Variants in CACNB3 observed in about 807,000 individuals in gnomAD.
The protein encoded by CACNB3 is calcium voltage-gated channel auxiliary subunit beta 3.
In CACNB3, 36 loss-of-function variants were observed where a neutral mutation model predicts 63.7. The ratio of observed to expected loss-of-function variants is 0.57; its 90% confidence interval spans 0.43 to 0.75. CACNB3 has a LOEUF of 0.75. CACNB3 is among the 30% of genes least tolerant of loss of function. The pLI, the probability that CACNB3 is intolerant of heterozygous loss-of-function variation, is 0.00. For missense variants in CACNB3, 493 were observed against 648.6 expected, an observed-to-expected ratio of 0.76 and a Z score of 2.61; for synonymous variants, 241 against 250.6, an observed-to-expected ratio of 0.96 and a Z score of 0.36.
Position 48,823,767 on chromosome 12 carries a change from C to G in CACNB3, c.255C>G (p.Val85=). ...AGTGCCCAGTCCAGGGCTCTGGAGT[C>G]AACTTTGAGGCCAAAGATTTTCTGC... ...DEECPVQGSG[V]NFEAKDFLHI... is the part of the protein sequence containing the mutation. The change falls in exon 3 of 13, where the codon GTC becomes GTG. Residue 85 remains valine, a synonymous_variant. Transcript: ENST00000301050. This position sits in a 1 kb window ranked among gnomAD's most constrained non-coding sequence, Gnocchi z 4.2. 1.2e-6 allele frequency: 2 copies of G among 1,614,108 alleles called. No individual in the cohort carries two copies. The highest frequency in any genetic ancestry group is 4.5e-5 in the East Asian group (2 of 44,870).
chr12:48,823,635 G>T lies in CACNB3; in HGVS notation c.169-46G>T. On this transcript the variant is annotated intron_variant, in intron 2 of 12. Transcript: ENST00000301050. The surrounding 1 kb of genome is among the most constrained non-coding windows in gnomAD (Gnocchi z 4.2). The stretch of plus-strand genomic sequence containing the variant: ...TGTTGGGGCACTGAAGCTGGAAGGG[G>T]TGCTTCGAGCCTTCTCTCACTTGCA... The T allele has an allele frequency of 6.2e-7, 1 of 1,613,742 alleles. No individual in the cohort carries two copies. The highest frequency in any genetic ancestry group is 8.5e-7 in the Non-Finnish European group (1 of 1,179,790).
chr12:48,818,420 C>T (rs1298589083), upstream of CACNB3: 1 of 985,484 alleles, frequency 1.0e-6, no homozygotes, highest in African/African-American at 1.7e-5. This position sits in a 1 kb window ranked among gnomAD's most constrained non-coding sequence, Gnocchi z 4.3. Flanking sequence ...CCTGGGTTGC[C>T]GAGCGTCTCT....
chr12:48,824,580 A>G (rs1163966790), intron 4 of CACNB3, 89 bp from the exon 5 acceptor site: 1 of 1,288,636 alleles, frequency 7.8e-7, no homozygotes, highest in Admixed American at 1.8e-5. Context: ...AGCATATGGA[A>G]TTGTGTACAA....
chr12:48,824,977 A>G lies in CACNB3; in HGVS notation c.492+9A>G. ...AGCAGAAGCAAAAGCAGGTGAGTCA[A>G]GGAAGGGACCTGGGCTGGGGGGATC... On this transcript the variant is annotated intron_variant, in intron 6 of 12. Transcript: ENST00000301050. 1 of 1,612,820 alleles carries G rather than the reference A, an allele frequency of 6.2e-7. No homozygotes were observed. The highest frequency in any genetic ancestry group is 8.5e-7 in the Non-Finnish European group (1 of 1,179,784).
At chr12:48,815,919 G>C (rs1227809064), upstream of CACNB3, among the ~76,000 whole-genome samples, 2 of 152,156 alleles carry the variant, frequency 1.3e-5, no homozygotes, top group Non-Finnish European at 2.9e-5. Context: ...GGCCAGAGCT[G>C]GCAGCTTCCT....
chr12:48,818,869 C>A lies in CACNB3; in HGVS notation c.-61C>A. ...TCCCGGGCGCGGCCCGCAGTCCTTG[C>A]CCCTGCCTCCGGGCCGCTCCCGCCC... On this transcript the variant is annotated 5_prime_UTR_variant, in exon 1 of 13. Coordinates refer to ENST00000301050, the MANE Select transcript of CACNB3 (RefSeq NM_000725.4). The surrounding 1 kb of genome is among the most constrained non-coding windows in gnomAD (Gnocchi z 4.3). 2 of 1,532,086 alleles carry A rather than the reference C, an allele frequency of 1.3e-6. No individual in the cohort carries two copies. The highest frequency in any genetic ancestry group is 2.0e-5 in the Admixed American group (1 of 49,376). The allele number at this position is 1,532,086 out of a possible 1,614,324, so 94.9% of individuals were successfully genotyped here.
Position 48,826,256 on chromosome 12 carries a change from T to A in CACNB3, c.743-111T>A. Reference sequence around the variant, plus strand: ...CTCTGCCTGTCCAGGCTTCGATGAATGCCCTTTTCCTCCAATTCCTTCCTG... The same window carrying A: ...CTCTGCCTGTCCAGGCTTCGATGAAAGCCCTTTTCCTCCAATTCCTTCCTG... On this transcript the variant is annotated intron_variant, in intron 9 of 12. Transcript: ENST00000301050. This position sits in a 1 kb window ranked among gnomAD's most constrained non-coding sequence, Gnocchi z 4.8. The A allele has an allele frequency of 9.4e-7, 1 of 1,069,052 alleles. No individual in the cohort carries two copies. The allele number at this position is 1,069,052 out of a possible 1,614,324, so 66.2% of individuals were successfully genotyped here.
Position 48,828,490 on chromosome 12 carries a change from C to G in CACNB3, c.*591C>G. 3 of 351,838 alleles carry G rather than the reference C, an allele frequency of 8.5e-6. No homozygotes were observed. The highest frequency in any genetic ancestry group is 6.4e-5 in the South Asian group (3 of 46,672). 21.8% of individuals were successfully genotyped at this position (351,838 alleles called of 1,614,324 possible). On this transcript the variant is annotated 3_prime_UTR_variant, in exon 13 of 13. Coordinates refer to ENST00000301050, the MANE Select transcript of CACNB3 (RefSeq NM_000725.4). ...ACTGGAGCAGCAGGCTGGCCACGCTCGGGCCAGAGAGAGCTCACAGCTGAA... is the reference window on the plus strand; with the variant it reads ...ACTGGAGCAGCAGGCTGGCCACGCTGGGGCCAGAGAGAGCTCACAGCTGAA...
Position 48,828,077 on chromosome 12 carries a change from C to G in CACNB3, c.*178C>G. On this transcript the variant is annotated 3_prime_UTR_variant, in exon 13 of 13. Transcript: ENST00000301050. ...CAAGGTTCTGGGAGAAACAGGGGAC[C>G]CCCTCACCTCCTGGGCAGTGACCCC... The G allele has an allele frequency of 3.2e-6, 2 of 617,276 alleles. No individual in the cohort carries two copies. Among genetic ancestry groups the G allele is most frequent in the East Asian group, 5.5e-5 (2 of 36,396 alleles). 38.2% of individuals were successfully genotyped at this position (617,276 alleles called of 1,614,324 possible).
At position 48,825,142 on chromosome 12, in the gene CACNB3, G is replaced by T; in HGVS notation, c.493-21G>T. 6.2e-7 allele frequency: 1 copy of T among 1,613,310 alleles called. No individual in the cohort carries two copies. Among genetic ancestry groups the T allele is most frequent in the South Asian group, 1.1e-5 (1 of 91,040 alleles). On this transcript the variant is annotated intron_variant, in intron 6 of 12. Transcript: ENST00000301050. This position sits in a 1 kb window ranked among gnomAD's most constrained non-coding sequence, Gnocchi z 4.5. ...AGGCACCAGGGCCATGGTTTCTACT[G>T]ACCTCATGTCCATTCTGCAGGCGGA... is the stretch of plus-strand genomic sequence containing the variant.
At chr12:48,817,025 G>C, upstream of CACNB3, 1 of 984,696 alleles carries the variant, frequency 1.0e-6, no homozygotes, top group Non-Finnish European at 1.2e-6. Context: ...CAGTGTCTGG[G>C]AACTTCCAAT....
rs753068810 is a variant in CACNB3, at chr12:48,824,967, A to C, written c.491A>C (p.Gln164Pro). The change falls in exon 6 of 13, where the codon CAG (glutamine) becomes CCG (proline). Residue 164 changes from glutamine (Q) to proline (P), a missense_variant and splice_region_variant. Gln to Pro is a moderately conservative substitution (Grantham distance 76). Transcript: ENST00000301050. ...PPSLAKQKQKQAEHVPPYDVV... is the reference protein window; with the variant it reads ...PPSLAKQKQKPAEHVPPYDVV... Reference sequence around the variant, plus strand: ...CAAAAAGCCAAGCAGAAGCAAAAGCAGGTGAGTCAAGGAAGGGACCTGGGC... The same window carrying C: ...CAAAAAGCCAAGCAGAAGCAAAAGCCGGTGAGTCAAGGAAGGGACCTGGGC... 3.7e-6 allele frequency: 6 copies of C among 1,613,448 alleles called. No homozygotes were observed. In the South Asian group the frequency reaches 6.6e-5, roughly 18 times the overall value.
intron 12 of CACNB3, 150 bp from the exon 13 acceptor site, chr12:48,827,435 C>A: frequency 1.2e-6 from 1 of 849,738 alleles, no homozygotes; most frequent in Non-Finnish European, 1.8e-6. Flanking sequence ...TTTTCTCTCT[C>A]GGAAGAGGAA....
At position 48,828,817 on chromosome 12, in the gene CACNB3, A is replaced by C. The variant is rs773185932; in HGVS notation, c.*918A>C. 40 of 454,746 alleles carry C rather than the reference A, an allele frequency of 8.8e-5. No homozygotes were observed. In the Admixed American group the frequency reaches 9.4e-4, roughly 11 times the overall value. The allele number at this position is 454,746 out of a possible 1,614,324, so 28.2% of individuals were successfully genotyped here. On this transcript the variant is annotated 3_prime_UTR_variant, in exon 13 of 13. Transcript: ENST00000301050. ...AGGTTAGGGTTAGATGGGGAGAGAC[A>C]GGGCACAGAGGACCTGTCTCCCCGG...
intron 1 of CACNB3, chr12:48,820,535 C>G (rs1937798277): frequency 6.6e-6 from 1 of 152,284 alleles, no homozygotes; most frequent in Non-Finnish European, 1.5e-5. Flanking sequence ...GCTCATCTCC[C>G]TCCTCTCCTT....
In CACNB3 at chr12:48,818,627, C is replaced by T. The variant is rs1049938350; in HGVS notation, c.-303C>T. ...GCCGCCCCCTCGCCGCCCCCGCCTT[C>T]TCCCGGGGAGGGGGTCAGGTGGGCG... On this transcript the variant is annotated 5_prime_UTR_variant, in exon 1 of 13. Transcript: ENST00000301050. This position sits in a 1 kb window ranked among gnomAD's most constrained non-coding sequence, Gnocchi z 4.3. 1.5e-5 allele frequency: 17 copies of T among 1,122,574 alleles called. No homozygotes were observed. The East Asian group carries it at 9.3e-4, about 62-fold the overall frequency. The allele number at this position is 1,122,574 out of a possible 1,614,324, so 69.5% of individuals were successfully genotyped here. A position where few individuals can be genotyped will look rare whatever the true frequency, so the allele number is the denominator to read the frequency against.
chr12:48,821,673 C>T (rs1218716048), intron 1 of CACNB3, among the ~76,000 whole-genome samples: 2 of 152,110 alleles, frequency 1.3e-5, no homozygotes, highest in South Asian at 2.1e-4. Flanking sequence ...CTGGTTGCTT[C>T]AGACACCAAC....
In CACNB3 at chr12:48,826,386, C is replaced by T. The variant is rs972900012; in HGVS notation, c.762C>T (p.Ile254=). Residue 254 remains isoleucine (I), a synonymous_variant, in exon 10 of 13, where the codon ATC becomes ATT. Transcript: ENST00000301050. This position sits in a 1 kb window ranked among gnomAD's most constrained non-coding sequence, Gnocchi z 4.8. ...RSSIAEVQSE[I]ERIFELAKSL... The stretch of plus-strand genomic sequence containing the variant: ...CCATAGCGGAAGTGCAGAGTGAGAT[C>T]GAGCGCATATTTGAGCTGGCCAAAT... The T allele has an allele frequency of 1.4e-5, 23 of 1,613,988 alleles. No homozygotes were observed. The highest frequency in any genetic ancestry group is 4.0e-5 in the African/African-American group (3 of 74,916).
In CACNB3 at chr12:48,823,754, A is replaced by G. The variant is rs1592188367; in HGVS notation, c.242A>G (p.Gln81Arg). The G allele has an allele frequency of 1.2e-6, 2 of 1,614,156 alleles. No individual in the cohort carries two copies. The highest frequency in any genetic ancestry group is 4.5e-5 in the East Asian group (2 of 44,878). The change falls in exon 3 of 13, where the codon CAG becomes CGG. Residue 81 changes from glutamine to arginine, a missense_variant. Physicochemically the swap from Gln to Arg is conservative, Grantham distance 43 (BLOSUM62 1). Transcript: ENST00000301050. The surrounding 1 kb of genome is among the most constrained non-coding windows in gnomAD (Gnocchi z 4.2). ...CGVLDEECPV[Q>R]GSGVNFEAKD... ...GTACTGGATGAGGAGTGCCCAGTCC[A>G]GGGCTCTGGAGTCAACTTTGAGGCC...
Sources: allele counts gnomAD v4.1 joint callset (sites outside exome capture counted in the v4.1 genomes callset), GRCh38; gene constraint gnomAD v4.1.1; non-coding constraint Gnocchi (gnomAD v3.1); transcripts MANE v1.5; gene names NCBI Gene and HGNC (gene_info 2026-07-23, HGNC 2026-07-21).